ACBD5: variants seen among roughly 807,000 people sequenced by gnomAD.
ACBD5 encodes acyl-CoA-binding domain-containing protein 5.
Under a neutral mutation model 71.8 loss-of-function variants are expected in ACBD5, and 40 were observed. The ratio of observed to expected loss-of-function variants is 0.56; its 90% CI spans 0.43 to 0.72. The LOEUF (loss-of-function observed/expected upper bound fraction) is 0.72, where lower values mean the gene tolerates loss of function less well. Among genes scored for constraint, ACBD5 ranks in the 30% least tolerant of loss-of-function variants. The probability of loss-of-function intolerance (pLI) is 0.00; values close to 1 mark genes in which losing one functional copy is unlikely to be tolerated. For synonymous variants in ACBD5, 229 were observed against 218.6 expected, an observed-to-expected ratio of 1.05 and a Z score of -0.42; for missense variants, 559 against 644.5, an observed-to-expected ratio of 0.87 and a Z score of 1.44.
rs568501438 is a variant in ACBD5 at position 27,197,508 on chromosome 10, CATAATA to C, written c.1566-72_1566-67del. The stretch of plus-strand genomic sequence containing the variant: ...ATGCAAATAATTCTCTGGATGGTAA[CATAATA>C]ATAATAACATACAAATTCAAAATAA... On this transcript the variant is annotated intron_variant, in intron 12 of 12. Transcript: ENST00000396271. 2.3e-5 allele frequency: 27 copies of C among 1,171,998 alleles called. No individual in the cohort carries two copies. The South Asian group carries it at 3.2e-4, about 14-fold the overall frequency. 72.6% of individuals were successfully genotyped at this position (1,171,998 alleles called of 1,614,324 possible).
At chr10:27,202,866 T>A (rs2060062062) in intron 12 of ACBD5, among the ~76,000 whole-genome samples, 1 of 151,954 alleles carries the variant, frequency 6.6e-6, no homozygotes, top group Non-Finnish European at 1.5e-5. Flanking sequence ...ACCAGGGATA[T>A]TTAAATGTAA....
intron 4 of ACBD5, among the ~76,000 whole-genome samples, chr10:27,225,879 T>C (rs2137784734): frequency 6.6e-6 from 1 of 152,148 alleles, no homozygotes; most frequent in East Asian, 1.9e-4. Context: ...GCAACACCTC[T>C]ACTTCTCAAG....
rs768340335 is a variant in ACBD5 at position 27,210,854 on chromosome 10, G to T, written c.1164C>A (p.Gly388=). The change falls in exon 9 of 13, where the codon GGC becomes GGA. Residue 388 remains glycine (G), a synonymous_variant. Coordinates refer to ENST00000396271, the MANE Select transcript of ACBD5 (RefSeq NM_145698.5). Reference sequence around the variant, plus strand: ...CATTAGAGAATTCGTCAGTTTCTCCGCCTCGCTTCTCCCGGTGTGGTGCTC... The same window carrying T: ...CATTAGAGAATTCGTCAGTTTCTCCTCCTCGCTTCTCCCGGTGTGGTGCTC... ...NSGAPHREKR[G]GETDEFSNVR... 6.2e-7 allele frequency: 1 copy of T among 1,614,018 alleles called. No homozygotes were observed. The highest frequency in any genetic ancestry group is 8.5e-7 in the Non-Finnish European group (1 of 1,180,040).
Position 27,216,007 on chromosome 10 carries a change from T to A in ACBD5, c.830-366A>T, listed in dbSNP as rs554673952. ...CTCCCGCCTCAGCCTCCCGAGTAGC[T>A]GGGATTACAGGTATGGGCCAACACA... On this transcript the variant is annotated intron_variant, in intron 7 of 12. Transcript: ENST00000396271. 4.0e-5 allele frequency among the ~76,000 whole-genome samples: 6 copies of A among 151,646 alleles called. No individual in the cohort carries two copies. The South Asian group carries it at 1.2e-3, about 32-fold the overall frequency.
At chr10:27,216,493 C>T (rs1450509405) in intron 7 of ACBD5, among the ~76,000 whole-genome samples, 1 of 152,116 alleles carries the variant, frequency 6.6e-6, no homozygotes, top group Non-Finnish European at 1.5e-5. Flanking sequence ...TCAGGCTGGT[C>T]TCGAACTCCT....
Position 27,221,933 on chromosome 10 carries a change from AAAAAAAG to A in ACBD5, c.490+1398_490+1404del, listed in dbSNP as rs1458076214. Among the ~76,000 whole-genome samples the A allele has an allele frequency of 3.5e-3, 530 of 151,414 alleles. 3 individuals carry two copies. Among genetic ancestry groups the A allele is most frequent in the African/African-American group, 0.013 (515 of 41,172 alleles). ...ACTCCATCTCAAAAAAAAAAAAAAA[AAAAAAAG>A]AAAAGAAGAAAACATTTAGTTTTTT... On this transcript the variant is annotated intron_variant, in intron 5 of 12. Coordinates refer to ENST00000396271, the MANE Select transcript of ACBD5 (RefSeq NM_145698.5).
chr10:27,205,126 C>CAAACAA (rs2060346292), intron 11 of ACBD5, 72 bp downstream of exon 11: 4 of 1,480,892 alleles, frequency 2.7e-6, no homozygotes, highest in Non-Finnish European at 1.9e-6. Flanking sequence ...GACTCCGTAT[C>CAAACAA]AAACAAAAAC....
At chr10:27,193,279 A>G (rs1588900453), downstream of ACBD5, 1 of 144,028 alleles carries the variant, frequency 6.9e-6, no homozygotes, top group Non-Finnish European at 1.5e-5. Flanking sequence ...ATACAAAAAA[A>G]TTACCCAGGC....
intron 4 of ACBD5, among the ~76,000 whole-genome samples, chr10:27,230,017 A>C (rs2063643301): frequency 6.6e-6 from 1 of 152,178 alleles, no homozygotes. Flanking sequence ...TGAATAGGAC[A>C]AATGAGTAAA....
At chr10:27,200,751 G>A (rs559185354) in intron 12 of ACBD5, among the ~76,000 whole-genome samples, 14 of 152,238 alleles carry the variant, frequency 9.2e-5, no homozygotes, top group East Asian at 5.8e-4. Context: ...GAGCCACCGC[G>A]TCCGGCCTAT....
chr10:27,223,814 G>A (rs993763119), intron 4 of ACBD5, among the ~76,000 whole-genome samples: 1 of 152,172 alleles, frequency 6.6e-6, no homozygotes. Context: ...AGAGGCTGAG[G>A]TGGGAGGATT....
At chr10:27,235,035 TATG>T in intron 3 of ACBD5, 54 bp downstream of exon 3, 1 of 1,529,370 alleles carries the variant, frequency 6.5e-7, no homozygotes, top group Non-Finnish European at 9.0e-7. Flanking sequence ...GTAATAGCCA[TATG>T]ATAATTATGT....
chr10:27,231,645 C>T, intron 4 of ACBD5, 103 bp downstream of exon 4: 1 of 935,232 alleles, frequency 1.1e-6, no homozygotes, highest in Non-Finnish European at 1.7e-6. Context: ...TATTGTATAA[C>T]ATACTACAAT....
intron 12 of ACBD5, 60 bp from the exon 13 acceptor site, chr10:27,197,502 T>C: frequency 7.2e-6 from 9 of 1,242,922 alleles, no homozygotes; most frequent in Non-Finnish European, 9.3e-6. Context: ...ATTCTCTGGA[T>C]GGTAACATAA....
At chr10:27,212,838 C>T (rs1389511516) in intron 8 of ACBD5, among the ~76,000 whole-genome samples, 9 of 152,256 alleles carry the variant, frequency 5.9e-5, no homozygotes, top group Non-Finnish European at 2.9e-5. Context: ...TGTCAGCCAC[C>T]ATGACCAGCC....
chr10:27,231,442 G>C (rs12242277), intron 4 of ACBD5, among the ~76,000 whole-genome samples: 12,032 of 152,132 alleles, frequency 0.079, 1,547 homozygotes, highest in African/African-American at 0.27. Flanking sequence ...GCTTGAATTT[G>C]GAAGGCGGAG....
Position 27,197,300 on chromosome 10 carries a change from A to C in ACBD5, c.*130T>G, listed in dbSNP as rs1308763943. On this transcript the variant is annotated 3_prime_UTR_variant, in exon 13 of 13. Coordinates refer to ENST00000396271, the MANE Select transcript of ACBD5 (RefSeq NM_145698.5). ...AATATATATGTGTATATATGTACAC[A>C]AACTAAACTACTGGACAACAAAAAG... 5.7e-6 allele frequency: 5 copies of C among 871,832 alleles called. No homozygotes were observed. In the East Asian group the frequency reaches 1.0e-4, roughly 18 times the overall value. The allele number at this position is 871,832 out of a possible 1,614,324, so 54.0% of individuals were successfully genotyped here.
intron 8 of ACBD5, among the ~76,000 whole-genome samples, chr10:27,212,596 T>TG (rs2061215377): frequency 2.0e-5 from 3 of 151,416 alleles, no homozygotes; most frequent in African/African-American, 7.3e-5. Context: ...TTTTTTTTTT[T>TG]GAGACAAGTT....
chr10:27,227,407 G>A (rs2063219289), intron 4 of ACBD5, among the ~76,000 whole-genome samples: 2 of 152,052 alleles, frequency 1.3e-5, no homozygotes, highest in Non-Finnish European at 1.5e-5. Flanking sequence ...ATCTCTTAAA[G>A]CCATCCAAAT....
Sources: allele counts gnomAD v4.1 joint callset (sites outside exome capture counted in the v4.1 genomes callset), GRCh38; gene constraint gnomAD v4.1.1; transcripts MANE v1.5; gene names NCBI Gene and HGNC (gene_info 2026-07-23, HGNC 2026-07-21).